SPA17: variants seen among roughly 807,000 people sequenced by gnomAD.
SPA17 encodes sperm surface protein Sp17.
SPA17 carries 7 observed loss-of-function variants against 13.8 expected under a neutral mutation model. The observed-to-expected ratio is 0.51, with a 90% CI of 0.29 to 0.95. The LOEUF is 0.95. SPA17 is among the 40% of genes least tolerant of loss of function. SPA17 has a pLI of 0.08. For missense variants in SPA17, 170 were observed against 179.3 expected (o/e 0.95, Z 0.30); for synonymous variants, 61 against 59.0 (o/e 1.03, Z -0.16).
At chr11:124,692,123 G>A (rs2063836732) in intron 4 of SPA17, among the ~76,000 whole-genome samples, 1 of 152,246 alleles carries the variant, frequency 6.6e-6, no homozygotes, top group Middle Eastern at 3.4e-3. Flanking sequence ...AATTGGTGCT[G>A]TCACCACTAC....
intron 3 of SPA17, among the ~76,000 whole-genome samples, chr11:124,689,668 C>T (rs1256263971): frequency 6.6e-6 from 1 of 151,666 alleles, no homozygotes; most frequent in Non-Finnish European, 1.5e-5. Context: ...TCCCCAGCTA[C>T]TTGGGAGGCT....
intron 1 of SPA17, 75 bp from the exon 2 acceptor site, chr11:124,675,163 A>C: frequency 7.1e-7 from 1 of 1,408,620 alleles, no homozygotes; most frequent in Non-Finnish European, 9.6e-7. Flanking sequence ...CTCAGAAATA[A>C]TTTGTTGGCA....
In SPA17 at chr11:124,691,741, C is replaced by T. The variant is rs1266231450; in HGVS notation, c.271C>T (p.Gln91Ter). 4 of 1,612,448 alleles carry T rather than the reference C, an allele frequency of 2.5e-6. No homozygotes were observed. In the South Asian group the frequency reaches 4.4e-5, roughly 18 times the overall value. Residue 91 changes from glutamine to a stop codon, truncating the protein, a stop_gained, in exon 4 of 5, where the codon CAG (glutamine) becomes TAG (stop). Transcript: ENST00000227135. LOFTEE classifies it low-confidence loss of function (END_TRUNC). ...EKSDPKQEES[Q>*]ISGKEEETSV... ...AAGTGATCCTAAACAAGAAGAGTCT[C>T]AGATATCTGGGAAGGAGGAAGAGAC...
At position 124,695,924 on chromosome 11, in the gene SPA17, G is replaced by A. The variant is rs1467382130; in HGVS notation, c.*1478G>A. ...TTTCTGCAAAGCAGTTTTATTTCAGGTGCCTCACTGCCCTTCCCTGGCACT... is the reference window on the plus strand; with the variant it reads ...TTTCTGCAAAGCAGTTTTATTTCAGATGCCTCACTGCCCTTCCCTGGCACT... On this transcript the variant is annotated 3_prime_UTR_variant, in exon 5 of 5. Transcript: ENST00000227135. 1 of 152,212 alleles carries A rather than the reference G, an allele frequency of 6.6e-6. No individual in the cohort carries two copies. Among genetic ancestry groups the A allele is most frequent in the Non-Finnish European group, 1.5e-5 (1 of 68,068 alleles). 9.4% of individuals were successfully genotyped at this position (152,212 alleles called of 1,614,324 possible).
intron 3 of SPA17, among the ~76,000 whole-genome samples, chr11:124,686,869 T>G (rs1943582853): frequency 6.6e-6 from 1 of 151,976 alleles, no homozygotes; most frequent in Non-Finnish European, 1.5e-5. Flanking sequence ...AATTAACAAT[T>G]AAAGGATGAA....
At chr11:124,676,937 G>A (rs1005464960) in intron 2 of SPA17, among the ~76,000 whole-genome samples, 13 of 152,154 alleles carry the variant, frequency 8.5e-5, no homozygotes, top group South Asian at 8.3e-4. Flanking sequence ...GGGAAAAGAG[G>A]TGAATTATAA....
intron 4 of SPA17, 34 bp from the exon 5 acceptor site, chr11:124,694,269 A>G (rs773080467): frequency 6.9e-6 from 11 of 1,594,856 alleles, no homozygotes; most frequent in Middle Eastern, 3.5e-4. Flanking sequence ...CGCCATATTT[A>G]AAGAGTCTCT....
chr11:124,692,482 A>G (rs1943631143), intron 4 of SPA17, among the ~76,000 whole-genome samples: 1 of 152,094 alleles, frequency 6.6e-6, no homozygotes, highest in Non-Finnish European at 1.5e-5. Flanking sequence ...CGGGAGGCTG[A>G]GGCAAGAGAA....
At chr11:124,678,206 A>ATT (rs1943491747) in intron 2 of SPA17, among the ~76,000 whole-genome samples, 1 of 152,234 alleles carries the variant, frequency 6.6e-6, no homozygotes, top group African/African-American at 2.4e-5. Flanking sequence ...ATACAACTGA[A>ATT]TTATATATAT....
chr11:124,684,616 G>A (rs186389877), intron 3 of SPA17, among the ~76,000 whole-genome samples: 28 of 152,304 alleles, frequency 1.8e-4, no homozygotes, highest in African/African-American at 6.5e-4. Context: ...AAATGTGGAA[G>A]CAACTTTGGA....
At chr11:124,684,995 TAGAA>T (rs1443060664) in intron 3 of SPA17, among the ~76,000 whole-genome samples, 1 of 152,098 alleles carries the variant, frequency 6.6e-6, no homozygotes, top group African/African-American at 2.4e-5. Flanking sequence ...GATGACACAA[TAGAA>T]AGAAAACCCC....
At chr11:124,684,840 A>C (rs1382661777) in intron 3 of SPA17, among the ~76,000 whole-genome samples, 2 of 152,202 alleles carry the variant, frequency 1.3e-5, no homozygotes, top group African/African-American at 2.4e-5. Flanking sequence ...ATGCAAAGAA[A>C]CTGGCAGCAT....
intron 2 of SPA17, among the ~76,000 whole-genome samples, chr11:124,679,698 C>A (rs1943507725): frequency 6.6e-6 from 1 of 152,114 alleles, no homozygotes; most frequent in African/African-American, 2.4e-5. Context: ...TCTTGGAAAA[C>A]AAGCTAATTT....
At chr11:124,687,492 C>T (rs1943587936) in intron 3 of SPA17, among the ~76,000 whole-genome samples, 1 of 151,998 alleles carries the variant, frequency 6.6e-6, no homozygotes. Context: ...GACAAGGACC[C>T]AACAAAAACA....
intron 3 of SPA17, among the ~76,000 whole-genome samples, chr11:124,683,454 C>T (rs1943546298): frequency 6.6e-6 from 1 of 151,366 alleles, no homozygotes; most frequent in African/African-American, 2.4e-5. Context: ...AGGAACAAAA[C>T]TCCACATATC....
intron 4 of SPA17, among the ~76,000 whole-genome samples, chr11:124,694,010 A>C (rs930589792): frequency 3.3e-5 from 5 of 152,230 alleles, no homozygotes; most frequent in Non-Finnish European, 4.4e-5. Flanking sequence ...CCAACCCCCC[A>C]AAAAATGTTG....
chr11:124,695,420 C>T lies in SPA17; in HGVS notation c.*974C>T, dbSNP rs1422088564. 6.6e-6 allele frequency: 1 copy of T among 152,148 alleles called. No individual in the cohort carries two copies. The highest frequency in any genetic ancestry group is 1.5e-5 in the Non-Finnish European group (1 of 68,024). 9.4% of individuals were successfully genotyped at this position (152,148 alleles called of 1,614,324 possible). On this transcript the variant is annotated 3_prime_UTR_variant, in exon 5 of 5. Coordinates refer to ENST00000227135, the MANE Select transcript of SPA17 (RefSeq NM_017425.4). The stretch of plus-strand genomic sequence containing the variant: ...ACAATGGTAATGCCTGTTTAACAAA[C>T]TCAGAGGCTTTATCTCTTTTATGTT...
chr11:124,677,407 A>G (rs1248106422), intron 2 of SPA17, among the ~76,000 whole-genome samples: 1 of 152,214 alleles, frequency 6.6e-6, no homozygotes, highest in African/African-American at 2.4e-5. Flanking sequence ...GTCACTAGGA[A>G]AAAGGTGGAC....
chr11:124,692,659 T>C (rs1247310606), intron 4 of SPA17, among the ~76,000 whole-genome samples: 1 of 152,138 alleles, frequency 6.6e-6, no homozygotes, highest in Non-Finnish European at 1.5e-5. Context: ...TAACTTGAAG[T>C]CAGCCACAAT....
Sources: gnomAD v4.1 joint callset for allele counts (sites outside exome capture counted in the v4.1 genomes callset) on GRCh38, gnomAD v4.1.1 for gene constraint, MANE v1.5 for transcripts, NCBI Gene and HGNC (gene_info 2026-07-23, HGNC 2026-07-21) for gene names.